Variants in KCNJ3 observed in about 807,000 individuals in gnomAD.
The protein encoded by KCNJ3 is G protein-activated inward rectifier potassium channel 1.
A neutral mutation model predicts 39.2 loss-of-function variants in KCNJ3; 4 were observed. The observed-to-expected ratio is 0.10, with a 90% CI of 0.05 to 0.23. The LOEUF (loss-of-function observed/expected upper bound fraction) is 0.23. Among genes scored for constraint, KCNJ3 ranks in the 10% least tolerant of loss-of-function variants. The probability of loss-of-function intolerance (pLI) is 1.00; values close to 1 mark genes in which losing one functional copy is unlikely to be tolerated. For missense variants in KCNJ3, 276 were observed against 634.9 expected, an observed-to-expected ratio of 0.43 and a Z score of 6.08; for synonymous variants, 230 against 237.4, an observed-to-expected ratio of 0.97 and a Z score of 0.29.
At chr2:154,806,271 C>A (rs1179796385) in intron 2 of KCNJ3, among the ~76,000 whole-genome samples, 1 of 152,134 alleles carries the variant, frequency 6.6e-6, no homozygotes, top group African/African-American at 2.4e-5. Context: ...GCAGTATGAG[C>A]ATCAGCAAAG....
intron 2 of KCNJ3, among the ~76,000 whole-genome samples, chr2:154,848,647 T>C (rs1057278195): frequency 3.9e-5 from 6 of 152,172 alleles, no homozygotes; most frequent in Non-Finnish European, 4.4e-5. Flanking sequence ...GCATACAATA[T>C]CTCATAAAAT....
At chr2:154,738,133 G>C (rs1001973259) in intron 2 of KCNJ3, among the ~76,000 whole-genome samples, 1 of 152,052 alleles carries the variant, frequency 6.6e-6, no homozygotes, top group South Asian at 2.1e-4. Flanking sequence ...AACATGGATG[G>C]AAACGGAGAT....
At chr2:154,742,338 T>C (rs1281979001) in intron 2 of KCNJ3, among the ~76,000 whole-genome samples, 1 of 151,896 alleles carries the variant, frequency 6.6e-6, no homozygotes, top group Non-Finnish European at 1.5e-5. Context: ...GTAGTGAACA[T>C]GGGTGTACAC....
intron 2 of KCNJ3, among the ~76,000 whole-genome samples, chr2:154,846,794 TG>T (rs1687670365): frequency 6.6e-6 from 1 of 152,218 alleles, no homozygotes; most frequent in African/African-American, 2.4e-5. Flanking sequence ...TTTCTTCTTT[TG>T]TTCTGGGAGC....
intron 2 of KCNJ3, among the ~76,000 whole-genome samples, chr2:154,793,949 T>A (rs1168853163): frequency 6.6e-6 from 1 of 152,002 alleles, no homozygotes; most frequent in African/African-American, 2.4e-5. Flanking sequence ...ATATATATTT[T>A]TTTTTCCTGA....
At chr2:154,771,038 C>T (rs1686233229) in intron 2 of KCNJ3, among the ~76,000 whole-genome samples, 1 of 151,848 alleles carries the variant, frequency 6.6e-6, no homozygotes, top group Non-Finnish European at 1.5e-5. Context: ...TACAGGCACA[C>T]ACCACCATGC....
Position 154,819,352 on chromosome 2 carries a change from C to A in KCNJ3, c.920-35375C>A, listed in dbSNP as rs369826899. Among the ~76,000 whole-genome samples, 16 of 152,084 alleles carry A rather than the reference C, an allele frequency of 1.1e-4. No individual in the cohort carries two copies. In the East Asian group the frequency reaches 2.1e-3, roughly 20 times the overall value. On this transcript the variant is annotated intron_variant, in intron 2 of 2. Transcript: ENST00000295101. ...TGATGTTATAGTAAACTGTCATATACCCATCCTCAGATTCAATCAGTATCA... is the reference window on the plus strand; with the variant it reads ...TGATGTTATAGTAAACTGTCATATAACCATCCTCAGATTCAATCAGTATCA...
chr2:154,707,479 A>T (rs1685033368), intron 1 of KCNJ3, among the ~76,000 whole-genome samples: 1 of 152,078 alleles, frequency 6.6e-6, no homozygotes, highest in East Asian at 1.9e-4. Context: ...TTATTAAATG[A>T]TTAGGGAATA....
chr2:154,739,119 C>T (rs757071100), intron 2 of KCNJ3, among the ~76,000 whole-genome samples: 1 of 151,902 alleles, frequency 6.6e-6, no homozygotes, highest in Non-Finnish European at 1.5e-5. Context: ...TGGGTAGATC[C>T]TCAGGTGCTG....
intron 2 of KCNJ3, among the ~76,000 whole-genome samples, chr2:154,716,437 TC>T (rs2105156810): frequency 6.6e-6 from 1 of 152,086 alleles, no homozygotes; most frequent in African/African-American, 2.4e-5. Context: ...TTATTTTTTT[TC>T]TTTGATTATT....
At position 154,856,032 on chromosome 2, in the gene KCNJ3, G is replaced by T. The variant is rs1329200552; in HGVS notation, c.*719G>T. 1 of 152,264 alleles carries T rather than the reference G, an allele frequency of 6.6e-6. No individual in the cohort carries two copies. Among genetic ancestry groups the T allele is most frequent in the African/African-American group, 2.4e-5 (1 of 41,340 alleles). 9.4% of individuals were successfully genotyped at this position (152,264 alleles called of 1,614,324 possible). A position where few individuals can be genotyped will look rare whatever the true frequency, so the allele number is the denominator to read the frequency against. ...ATCACACAAGTTTGTGCTATCTATG[G>T]CCCTGCAAAAATATAACCATTACAT... On this transcript the variant is annotated 3_prime_UTR_variant, in exon 3 of 3. Coordinates refer to ENST00000295101, the MANE Select transcript of KCNJ3 (RefSeq NM_002239.4).
At chr2:154,704,921 A>C (rs1684975861) in intron 1 of KCNJ3, among the ~76,000 whole-genome samples, 1 of 152,190 alleles carries the variant, frequency 6.6e-6, no homozygotes, top group Non-Finnish European at 1.5e-5. Context: ...AAGTGAAATT[A>C]CAGATAAAAT....
chr2:154,738,268 G>A (rs541285812), intron 2 of KCNJ3, among the ~76,000 whole-genome samples: 14 of 152,196 alleles, frequency 9.2e-5, no homozygotes, highest in Admixed American at 2.6e-4. Flanking sequence ...ATAGTCACCA[G>A]AGGCTGGGAA....
intron 2 of KCNJ3, among the ~76,000 whole-genome samples, chr2:154,726,904 A>C (rs1056486083): frequency 6.6e-6 from 1 of 151,874 alleles, no homozygotes; most frequent in African/African-American, 2.4e-5. Flanking sequence ...CCAGGATGGA[A>C]CTCAAACTCA....
At chr2:154,725,871 A>G (rs1226209940) in intron 2 of KCNJ3, among the ~76,000 whole-genome samples, 1 of 152,166 alleles carries the variant, frequency 6.6e-6, no homozygotes, top group Non-Finnish European at 1.5e-5. Context: ...CGGACATTCT[A>G]TTCAACAAAT....
intron 2 of KCNJ3, among the ~76,000 whole-genome samples, chr2:154,763,021 C>G (rs1255681731): frequency 9.9e-5 from 15 of 152,166 alleles, no homozygotes; most frequent in Admixed American, 9.2e-4. Flanking sequence ...GCCTCAGTTT[C>G]TTCATCTGTA....
chr2:154,781,088 A>G (rs1411778953), intron 2 of KCNJ3, among the ~76,000 whole-genome samples: 4 of 152,148 alleles, frequency 2.6e-5, no homozygotes, highest in African/African-American at 9.7e-5. Flanking sequence ...GAGAAGGACA[A>G]CTGGCCCTTT....
chr2:154,769,746 G>A (rs1351575308), intron 2 of KCNJ3, among the ~76,000 whole-genome samples: 2 of 152,024 alleles, frequency 1.3e-5, no homozygotes, highest in Non-Finnish European at 2.9e-5. Flanking sequence ...GATTGGAATA[G>A]TTTCAGAAGG....
chr2:154,764,601 C>T (rs1356798886), intron 2 of KCNJ3, among the ~76,000 whole-genome samples: 2 of 152,004 alleles, frequency 1.3e-5, no homozygotes, highest in East Asian at 1.9e-4. Flanking sequence ...TTTCTACAGC[C>T]GGTGGTGTCC....
Sources: gnomAD v4.1 joint callset for allele counts (sites outside exome capture counted in the v4.1 genomes callset) on GRCh38, gnomAD v4.1.1 for gene constraint, MANE v1.5 for transcripts, NCBI Gene and HGNC (gene_info 2026-07-23, HGNC 2026-07-21) for gene names.